IFT74: variants seen among roughly 807,000 people sequenced by gnomAD.
IFT74 encodes the protein intraflagellar transport protein 74 homolog.
In IFT74, 92 loss-of-function variants were observed where a neutral mutation model predicts 96.7. The observed-to-expected ratio is 0.95, with a 90% CI of 0.80 to 1.13. The LOEUF (loss-of-function observed/expected upper bound fraction) is 1.13. Ranked by LOEUF, IFT74 falls within the 50% of genes most tolerant of loss-of-function variation. The probability of loss-of-function intolerance (pLI) is 0.00; values close to 1 mark genes in which losing one functional copy is unlikely to be tolerated. For missense variants in IFT74, 811 were observed against 698.2 expected, an observed-to-expected ratio of 1.16 and a Z score of -1.82; for synonymous variants, 223 against 213.2, an observed-to-expected ratio of 1.05 and a Z score of -0.40.
chr9:27,052,989 G>T (rs1052416343), intron 16 of IFT74, among the ~76,000 whole-genome samples: 6 of 151,714 alleles, frequency 4.0e-5, no homozygotes, highest in African/African-American at 9.7e-5. Context: ...TCAGCCTCCC[G>T]AGTAGCTGGG....
chr9:27,024,338 G>A (rs931324363), intron 12 of IFT74, among the ~76,000 whole-genome samples: 2 of 152,146 alleles, frequency 1.3e-5, no homozygotes, highest in African/African-American at 4.8e-5. Context: ...TCACTTCGCA[G>A]GACTCTTCGC....
At chr9:26,982,406 A>C in intron 4 of IFT74, 1 of 427,646 alleles carries the variant, frequency 2.3e-6, no homozygotes, top group South Asian at 1.7e-5. Flanking sequence ...ATCTGCAAGT[A>C]GCTGGGATTA....
rs201673935 is a variant in IFT74 at position 27,011,876 on chromosome 9, A to G, written c.727-30A>G. On this transcript the variant is annotated intron_variant, in intron 9 of 19. Transcript: ENST00000380062. The stretch of plus-strand genomic sequence containing the variant: ...ACAAATTATTCTTAATGTAATTTGG[A>G]TTTATGTTTGCTTTTTTTTTTCCAC... The G allele has an allele frequency of 4.9e-3, 7,151 of 1,462,478 alleles. 29 individuals carry two copies. Among genetic ancestry groups the G allele is most frequent in the Middle Eastern group, 7.8e-3 (44 of 5,620 alleles). The allele number at this position is 1,462,478 out of a possible 1,614,324, so 90.6% of individuals were successfully genotyped here.
intron 6 of IFT74, among the ~76,000 whole-genome samples, chr9:26,986,326 T>G (rs528560593): frequency 9.9e-5 from 15 of 152,024 alleles, no homozygotes; most frequent in African/African-American, 1.7e-4. Flanking sequence ...TTTTGTTGTT[T>G]TTTTTTTTCA....
intron 5 of IFT74, 64 bp from the exon 6 acceptor site, chr9:26,984,434 AT>A: frequency 6.3e-7 from 1 of 1,584,338 alleles, no homozygotes; most frequent in Non-Finnish European, 8.6e-7. Context: ...ATTGTTTGTA[AT>A]GTTCATTTTC....
chr9:27,018,683 A>G lies in IFT74; in HGVS notation c.970A>G (p.Arg324Gly). The G allele has an allele frequency of 6.5e-7, 1 of 1,536,482 alleles. No individual in the cohort carries two copies. The highest frequency in any genetic ancestry group is 2.3e-5 in the East Asian group (1 of 44,088). The change falls in exon 12 of 20, where the codon AGA becomes GGA. Residue 324 changes from arginine (R) to glycine (G), a missense_variant. By Grantham distance (125) the Arg-to-Gly change is moderately radical. Transcript: ENST00000380062. ...TAATCAGGAAATAGCCAGCATGGAA[A>G]GACAGTAAGTATCTTTATACTAGGA... Reference protein sequence around the residue: ...DDNQEIASMERQLTDTKEKIN... With the variant: ...DDNQEIASMEGQLTDTKEKIN...
chr9:26,958,513 A>G (rs182144403), intron 1 of IFT74, among the ~76,000 whole-genome samples: 1 of 152,202 alleles, frequency 6.6e-6, no homozygotes, highest in Non-Finnish European at 1.5e-5. Context: ...ACACTTAGGA[A>G]CAAAATCAGT....
rs1587440217 is a variant in IFT74 at position 27,064,624 on chromosome 9, A to G, written c.*1888A>G. 6.6e-6 allele frequency among the ~76,000 whole-genome samples: 1 copy of G among 152,156 alleles called. No homozygotes were observed. The highest frequency in any genetic ancestry group is 1.5e-5 in the Non-Finnish European group (1 of 67,978). On this transcript the variant is annotated 3_prime_UTR_variant, in exon 20 of 20. Coordinates refer to ENST00000380062, the MANE Select transcript of IFT74 (RefSeq NM_025103.4). ...CTGACTACTATGGTCTCTTAATCAC[A>G]TTGATTCTATTTCGTGGATACTTCC...
chr9:27,001,185 T>A (rs1419426984), intron 8 of IFT74, among the ~76,000 whole-genome samples: 1 of 152,148 alleles, frequency 6.6e-6, no homozygotes, highest in Admixed American at 6.5e-5. Context: ...ATATGCTACT[T>A]TTTTTTAATC....
At chr9:26,991,624 C>G (rs1035248281) in intron 8 of IFT74, among the ~76,000 whole-genome samples, 1 of 152,044 alleles carries the variant, frequency 6.6e-6, no homozygotes, top group African/African-American at 2.4e-5. Context: ...TAACCACGCT[C>G]TTACTTGAAA....
chr9:26,969,212 C>T lies in IFT74; in HGVS notation c.120+7125C>T, dbSNP rs184685431. Among the ~76,000 whole-genome samples, 75 of 152,090 alleles carry T rather than the reference C, an allele frequency of 4.9e-4. 1 individual carries two copies. Among genetic ancestry groups the T allele is most frequent in the African/African-American group, 1.7e-3 (71 of 41,532 alleles). On this transcript the variant is annotated intron_variant, in intron 2 of 19. Coordinates refer to ENST00000380062, the MANE Select transcript of IFT74 (RefSeq NM_025103.4). ...TATTTCTATTTGTTGGTATAGTTTC[C>T]AAAATTCCTCTTGTTATCAATTTGT...
chr9:27,057,661 T>G (rs1303406150), intron 18 of IFT74, among the ~76,000 whole-genome samples: 1 of 151,998 alleles, frequency 6.6e-6, no homozygotes, highest in Non-Finnish European at 1.5e-5. Flanking sequence ...ATCAAGACCA[T>G]CCTGGCTAAC....
At chr9:27,018,376 G>A (rs1563978865) in intron 11 of IFT74, among the ~76,000 whole-genome samples, 1 of 152,142 alleles carries the variant, frequency 6.6e-6, no homozygotes, top group Non-Finnish European at 1.5e-5. Flanking sequence ...ACTTATCCAG[G>A]CCTGAAGATG....
intron 12 of IFT74, among the ~76,000 whole-genome samples, chr9:27,020,190 A>G (rs985332101): frequency 6.6e-6 from 1 of 152,068 alleles, no homozygotes; most frequent in African/African-American, 2.4e-5. Context: ...TAAGTAGTCA[A>G]CAATGACGAA....
chr9:26,971,634 A>G (rs543521580), intron 2 of IFT74, among the ~76,000 whole-genome samples: 7 of 152,250 alleles, frequency 4.6e-5, no homozygotes, highest in East Asian at 1.9e-4. Context: ...TTGTTTGGCT[A>G]TTTGATCTGC....
At chr9:26,992,692 C>CA (rs759740948) in intron 8 of IFT74, among the ~76,000 whole-genome samples, 2,088 of 133,372 alleles carry the variant, frequency 0.016, 31 homozygotes, top group East Asian at 0.064. Context: ...GACTTTGTCT[C>CA]AAAAAAAAAA....
rs755525551 is a variant in IFT74 at position 26,961,996 on chromosome 9, C to T, written c.29C>T (p.Ala10Val). Residue 10 changes from alanine (A) to valine (V), a missense_variant, in exon 2 of 20, where the codon GCT (alanine) becomes GTT (valine). Physicochemically the swap from Ala to Val is moderately conservative, Grantham distance 64. Coordinates refer to ENST00000380062, the MANE Select transcript of IFT74 (RefSeq NM_025103.4). ...GCCAGCAATCACAAATCTTCAGCAG[C>T]TCGCCCTGTTTCAAGAGGTGGAGTT... MASNHKSSA[A>V]RPVSRGGVGL... 3.7e-5 allele frequency: 59 copies of T among 1,614,034 alleles called. 1 individual carries two copies. In the South Asian group the frequency reaches 5.9e-4, roughly 16 times the overall value.
At chr9:27,019,786 A>G (rs1026333018) in intron 12 of IFT74, among the ~76,000 whole-genome samples, 14 of 151,978 alleles carry the variant, frequency 9.2e-5, no homozygotes, top group African/African-American at 3.4e-4. Context: ...CTTCTCTTGT[A>G]TATATACCTA....
intron 16 of IFT74, among the ~76,000 whole-genome samples, chr9:27,054,437 A>G (rs1432701701): frequency 6.6e-6 from 1 of 152,176 alleles, no homozygotes; most frequent in Non-Finnish European, 1.5e-5. Flanking sequence ...GTAAATACTT[A>G]TTTAATTGCC....
Sources: gnomAD v4.1 joint callset for allele counts (sites outside exome capture counted in the v4.1 genomes callset) on GRCh38, gnomAD v4.1.1 for gene constraint, MANE v1.5 for transcripts, NCBI Gene and HGNC (gene_info 2026-07-23, HGNC 2026-07-21) for gene names.